Variants in PHACTR2 observed in about 807,000 individuals in gnomAD.
PHACTR2 encodes chromosome 6 open reading frame 56.
PHACTR2 carries 30 observed loss-of-function variants against 76.0 expected under a neutral mutation model. That is an observed-to-expected ratio of 0.39 (90% confidence interval 0.30 to 0.54). PHACTR2 has a LOEUF of 0.54. Ranked by LOEUF, PHACTR2 falls within the 20% of genes least tolerant of loss-of-function variation. PHACTR2 has a pLI of 0.61. For synonymous variants in PHACTR2, 292 were observed against 292.5 expected (o/e 1.00, Z 0.02); for missense variants, 696 against 781.1 (o/e 0.89, Z 1.30).
intron 1 of PHACTR2, among the ~76,000 whole-genome samples, chr6:143,692,351 A>G (rs1225437405): frequency 6.6e-6 from 1 of 152,196 alleles, no homozygotes; most frequent in Non-Finnish European, 1.5e-5. Flanking sequence ...CCGGGTGAGA[A>G]TGGAAACTTG....
rs775364382 is a variant in PHACTR2, at chr6:143,595,700, G to C, written c.217+58493G>C. Among the ~76,000 whole-genome samples the C allele has an allele frequency of 3.3e-5, 5 of 152,142 alleles. No homozygotes were observed. Among genetic ancestry groups the C allele is most frequent in the Non-Finnish European group, 7.3e-5 (5 of 68,040 alleles). ...TAGTTCCAGTACCCAGCCCTCTTTCGTGAAGAGGACTAGAGGTGGTTTTGT... is the reference window on the plus strand; with the variant it reads ...TAGTTCCAGTACCCAGCCCTCTTTCCTGAAGAGGACTAGAGGTGGTTTTGT... On this transcript the variant is annotated intron_variant, in intron 1 of 11. Transcript: ENST00000367584. This position sits in a 1 kb window ranked among gnomAD's most constrained non-coding sequence, Gnocchi z 4.2.
In PHACTR2 at chr6:143,795,917, C is replaced by T. The variant is rs41400945; in HGVS notation, c.1845+7007C>T. ...TGTTCCCCATTGGTGATATTTTCACCGTTGATTCCTGAGTTTACGATCTAG... is the reference window on the plus strand; with the variant it reads ...TGTTCCCCATTGGTGATATTTTCACTGTTGATTCCTGAGTTTACGATCTAG... On this transcript the variant is annotated intron_variant, in intron 11 of 12. Transcript: ENST00000440869. The surrounding 1 kb of genome is among the most constrained non-coding windows in gnomAD (Gnocchi z 4.8). Among the ~76,000 whole-genome samples, 4,060 of 152,174 alleles carry T rather than the reference C, an allele frequency of 0.027. 189 individuals carry two copies. Among genetic ancestry groups the T allele is most frequent in the African/African-American group, 0.09 (3,751 of 41,480 alleles).
At position 143,546,371 on chromosome 6, in the gene PHACTR2, AAC is replaced by A. The variant is rs890855537; in HGVS notation, c.217+9166_217+9167del. ...AACTTGTGACTTAAAAAAAAAAAAA[AAC>A]ATGTTATCTCTCTCTAGAACTTTGG... is the stretch of plus-strand genomic sequence containing the variant. On this transcript the variant is annotated intron_variant, in intron 1 of 11. Coordinates refer to the PHACTR2 transcript ENST00000367584. This position sits in a 1 kb window ranked among gnomAD's most constrained non-coding sequence, Gnocchi z 4.9. Among the ~76,000 whole-genome samples, 38 of 151,790 alleles carry A rather than the reference AAC, an allele frequency of 2.5e-4. No individual in the cohort carries two copies. The highest frequency in any genetic ancestry group is 9.0e-4 in the African/African-American group (37 of 41,296).
At chr6:143,693,340 C>G (rs554279016) in intron 1 of PHACTR2, among the ~76,000 whole-genome samples, 3 of 152,088 alleles carry the variant, frequency 2.0e-5, no homozygotes, top group African/African-American at 7.2e-5. Flanking sequence ...CAGGTTCCAG[C>G]GGTTCTCCTG....
intron 1 of PHACTR2, among the ~76,000 whole-genome samples, chr6:143,687,333 G>A (rs1441290408): frequency 6.6e-6 from 1 of 152,138 alleles, no homozygotes; most frequent in African/African-American, 2.4e-5. Context: ...AACAAGAATT[G>A]TAAGAATTGG....
chr6:143,727,633 T>G (rs889378471), intron 2 of PHACTR2, among the ~76,000 whole-genome samples: 1 of 152,248 alleles, frequency 6.6e-6, no homozygotes, highest in South Asian at 2.1e-4. Flanking sequence ...TGTCATTTTT[T>G]GTCTTTTTGA....
chr6:143,741,362 G>A lies in PHACTR2; in HGVS notation c.215-7623G>A, dbSNP rs143173887. On this transcript the variant is annotated intron_variant, in intron 2 of 12. Coordinates refer to ENST00000440869, the MANE Select transcript of PHACTR2 (RefSeq NM_001100164.2). ...ATAAAAATTAGCCAGGCATGGTGGC[G>A]CATGCCTGTAATCCCAGCTACTCAG... Among the ~76,000 whole-genome samples the A allele has an allele frequency of 6.0e-3, 918 of 152,180 alleles. 6 individuals carry two copies. The highest frequency in any genetic ancestry group is 0.038 in the East Asian group (196 of 5,174).
chr6:143,788,017 A>C (rs562492919), intron 10 of PHACTR2, among the ~76,000 whole-genome samples: 25 of 152,350 alleles, frequency 1.6e-4, no homozygotes, highest in African/African-American at 5.5e-4. Context: ...TCAGAGTCTT[A>C]TTCTTCGGTT....
At chr6:143,612,296 A>G (rs1462063299) in intron 1 of PHACTR2, among the ~76,000 whole-genome samples, 1 of 152,224 alleles carries the variant, frequency 6.6e-6, no homozygotes, top group East Asian at 1.9e-4. Context: ...CTGTCACATA[A>G]GAAAATGTAA....
At position 143,537,498 on chromosome 6, in the gene PHACTR2, A is replaced by T. The variant is rs1011086063; in HGVS notation, c.217+291A>T. 2.0e-5 allele frequency among the ~76,000 whole-genome samples: 3 copies of T among 152,086 alleles called. No individual in the cohort carries two copies. Among genetic ancestry groups the T allele is most frequent in the Non-Finnish European group, 4.4e-5 (3 of 67,996 alleles). ...GTAGGGAGCGCTCCCTCTCGGCTGC[A>T]CGGCGCCAGGCAGCACCGCAGCTTG... On this transcript the variant is annotated intron_variant, in intron 1 of 11. Coordinates refer to the PHACTR2 transcript ENST00000367584. This position sits in a 1 kb window ranked among gnomAD's most constrained non-coding sequence, Gnocchi z 4.4.
rs1776394831 is a variant in PHACTR2, at chr6:143,633,178, C to T, written c.13+24856C>T. Among the ~76,000 whole-genome samples, 1 of 152,194 alleles carries T rather than the reference C, an allele frequency of 6.6e-6. No individual in the cohort carries two copies. Among genetic ancestry groups the T allele is most frequent in the South Asian group, 2.1e-4 (1 of 4,834 alleles). On this transcript the variant is annotated intron_variant, in intron 1 of 11. Transcript: ENST00000305766. This position sits in a 1 kb window ranked among gnomAD's most constrained non-coding sequence, Gnocchi z 4.1. ...AGAGTATATTTAGTTTTATAAGAAA[C>T]TGCTAAACTGTCTTCCAAAGTGGCT... is the stretch of plus-strand genomic sequence containing the variant.
At chr6:143,673,280 T>G (rs1465713212), upstream of PHACTR2, among the ~76,000 whole-genome samples, 2 of 152,162 alleles carry the variant, frequency 1.3e-5, no homozygotes, top group African/African-American at 2.4e-5. Flanking sequence ...TCTCTTGCTA[T>G]GGAGTCAACA....
At position 143,658,882 on chromosome 6, in the gene PHACTR2, G is replaced by A. The variant is rs146641537; in HGVS notation, c.13+50560G>A. ...TCTACTAAAAATACAAAACTTAGCC[G>A]GTCAGGGTGGCATGCGCCTATAATC... is the stretch of plus-strand genomic sequence containing the variant. On this transcript the variant is annotated intron_variant, in intron 1 of 11. Coordinates refer to the PHACTR2 transcript ENST00000305766. The surrounding 1 kb of genome is among the most constrained non-coding windows in gnomAD (Gnocchi z 4.1). Among the ~76,000 whole-genome samples the A allele has an allele frequency of 8.1e-3, 1,228 of 152,022 alleles. 11 individuals are homozygous for A. The highest frequency in any genetic ancestry group is 0.014 in the Non-Finnish European group (932 of 67,950).
At position 143,678,392 on chromosome 6, in the gene PHACTR2, T is replaced by G. The variant is rs1398701788; in HGVS notation, c.46+183T>G. Among the ~76,000 whole-genome samples the G allele has an allele frequency of 6.6e-6, 1 of 152,194 alleles. No homozygotes were observed. ...CGTGAAAGAGGAATGCCTTTTGGGATCCAGCCGATTTTACCTTAAAGGCAC... is the reference window on the plus strand; with the variant it reads ...CGTGAAAGAGGAATGCCTTTTGGGAGCCAGCCGATTTTACCTTAAAGGCAC... On this transcript the variant is annotated intron_variant, in intron 1 of 12. Transcript: ENST00000440869. The surrounding 1 kb of genome is among the most constrained non-coding windows in gnomAD (Gnocchi z 6.2).
chr6:143,723,559 A>T (rs1248387965), intron 2 of PHACTR2, among the ~76,000 whole-genome samples: 2 of 152,178 alleles, frequency 1.3e-5, no homozygotes, highest in East Asian at 3.8e-4. Context: ...TCATCCATTC[A>T]TACAGCAAAT....
At position 143,809,901 on chromosome 6, in the gene PHACTR2, C is replaced by T. The variant is rs948042147; in HGVS notation, c.1922+2768C>T. ...CCGAGGTGGGCAGATCTTTTGAGCT[C>T]AGGAGTTCGAGACCAGCCTGGACAA... is the stretch of plus-strand genomic sequence containing the variant. On this transcript the variant is annotated intron_variant, in intron 12 of 12. Coordinates refer to ENST00000440869, the MANE Select transcript of PHACTR2 (RefSeq NM_001100164.2). This position sits in a 1 kb window ranked among gnomAD's most constrained non-coding sequence, Gnocchi z 4.2. 6.6e-6 allele frequency among the ~76,000 whole-genome samples: 1 copy of T among 152,048 alleles called. No individual in the cohort carries two copies. The highest frequency in any genetic ancestry group is 1.5e-5 in the Non-Finnish European group (1 of 68,022).
intron 1 of PHACTR2, among the ~76,000 whole-genome samples, chr6:143,665,693 TTC>T (rs1777021460): frequency 6.6e-6 from 1 of 152,158 alleles, no homozygotes; most frequent in African/African-American, 2.4e-5. Context: ...CCACTATCAT[TTC>T]TAGTCTGGAT....
rs545274278 is a variant in PHACTR2, at chr6:143,795,595, G to A, written c.1845+6685G>A. 3.9e-5 allele frequency among the ~76,000 whole-genome samples: 6 copies of A among 152,286 alleles called. No homozygotes were observed. The South Asian group carries it at 1.2e-3, about 32-fold the overall frequency. On this transcript the variant is annotated intron_variant, in intron 11 of 12. Transcript: ENST00000440869. The surrounding 1 kb of genome is among the most constrained non-coding windows in gnomAD (Gnocchi z 4.8). Reference sequence around the variant, plus strand: ...GAGAAGGCCATTGAATTGGCCTGAAGACCTAGGCTTGCCTGCCAGTAACCA... The same window carrying A: ...GAGAAGGCCATTGAATTGGCCTGAAAACCTAGGCTTGCCTGCCAGTAACCA...
intron 11 of PHACTR2, among the ~76,000 whole-genome samples, chr6:143,805,932 T>G (rs914227284): frequency 3.9e-5 from 6 of 152,174 alleles, no homozygotes; most frequent in Admixed American, 2.0e-4. Flanking sequence ...TCTGTTCCCT[T>G]TCCTAAAATG....
Sources: allele counts gnomAD v4.1 joint callset (sites outside exome capture counted in the v4.1 genomes callset), GRCh38; gene constraint gnomAD v4.1.1; non-coding constraint Gnocchi (gnomAD v3.1); transcripts MANE v1.5; gene names NCBI Gene and HGNC (gene_info 2026-07-23, HGNC 2026-07-21).